WWC1: variants seen among roughly 807,000 people sequenced by gnomAD.
WWC1 encodes protein KIBRA.
In WWC1, 55 loss-of-function variants were observed where a neutral mutation model predicts 138.4. The ratio of observed to expected loss-of-function variants is 0.40; its 90% CI spans 0.32 to 0.50. WWC1 has a LOEUF of 0.50. WWC1 is among the 20% of genes least tolerant of loss of function. WWC1 has a pLI of 0.72. For missense variants in WWC1, 1,226 were observed against 1,420.4 expected (o/e 0.86, Z 2.20); for synonymous variants, 524 against 564.9 (o/e 0.93, Z 1.03).
intron 2 of WWC1, among the ~76,000 whole-genome samples, chr5:168,372,215 A>AAAG (rs1776813964): frequency 6.6e-6 from 1 of 152,102 alleles, no homozygotes; most frequent in African/African-American, 2.4e-5. Context: ...TGACTTGAGG[A>AAAG]AAGAAGCAGG....
At chr5:168,293,718 A>G (rs935041052) in intron 1 of WWC1, among the ~76,000 whole-genome samples, 1 of 152,144 alleles carries the variant, frequency 6.6e-6, no homozygotes, top group African/African-American at 2.4e-5. Context: ...TTGGAAGGGA[A>G]TATTGGGATG....
chr5:168,329,405 CA>C, intron 1 of WWC1, among the ~76,000 whole-genome samples: 1 of 152,150 alleles, frequency 6.6e-6, no homozygotes, highest in East Asian at 1.9e-4. Context: ...TCTCGTGAGG[CA>C]GAACTTCAAA....
intron 2 of WWC1, among the ~76,000 whole-genome samples, chr5:168,382,782 A>T (rs1281651711): frequency 7.0e-4 from 106 of 152,190 alleles, no homozygotes; most frequent in Non-Finnish European, 2.9e-5. Flanking sequence ...CATGAGGGGC[A>T]GTTTTTTGTA....
intron 1 of WWC1, among the ~76,000 whole-genome samples, chr5:168,297,222 A>G (rs983501322): frequency 6.6e-6 from 1 of 152,232 alleles, no homozygotes; most frequent in African/African-American, 2.4e-5. Context: ...AACTTTTCCT[A>G]GAACGTACCT....
At chr5:168,393,807 C>G (rs139411658) in intron 3 of WWC1, among the ~76,000 whole-genome samples, 211 of 152,276 alleles carry the variant, frequency 1.4e-3, no homozygotes, top group African/African-American at 4.6e-3. Flanking sequence ...AAATAGAAAA[C>G]TCACCAGATT....
intron 1 of WWC1, among the ~76,000 whole-genome samples, chr5:168,347,151 G>C (rs1774547091): frequency 6.6e-6 from 1 of 152,194 alleles, no homozygotes; most frequent in Non-Finnish European, 1.5e-5. Context: ...CCAGCCGACT[G>C]AGTGACAAGG....
chr5:168,400,195 T>G (rs71603860), intron 5 of WWC1, among the ~76,000 whole-genome samples: 23 of 152,178 alleles, frequency 1.5e-4, no homozygotes, highest in Non-Finnish European at 2.5e-4. Flanking sequence ...TAACTTTTAT[T>G]TGAAGTTCGG....
chr5:168,328,615 C>T (rs1033773258), intron 1 of WWC1, among the ~76,000 whole-genome samples: 1 of 152,090 alleles, frequency 6.6e-6, no homozygotes. Context: ...GGCATGATCT[C>T]AGCTCACTGC....
intron 3 of WWC1, among the ~76,000 whole-genome samples, chr5:168,393,062 A>G (rs779421621): frequency 6.6e-6 from 1 of 152,180 alleles, no homozygotes; most frequent in African/African-American, 2.4e-5. Context: ...GGAAAATAAA[A>G]TGGAGGAAAC....
At chr5:168,377,350 C>T (rs1188251807) in intron 2 of WWC1, among the ~76,000 whole-genome samples, 1 of 152,096 alleles carries the variant, frequency 6.6e-6, no homozygotes, top group African/African-American at 2.4e-5. Flanking sequence ...TAGAAAACAC[C>T]ATTCTGTACA....
intron 2 of WWC1, among the ~76,000 whole-genome samples, chr5:168,373,914 C>A (rs867346606): frequency 6.6e-6 from 1 of 151,374 alleles, no homozygotes; most frequent in African/African-American, 2.4e-5. Flanking sequence ...GGCGTGGTGG[C>A]GGGCATCTGT....
chr5:168,431,351 G>C lies in WWC1; in HGVS notation c.2187G>C (p.Val729=). ...DASDTLVFNE[V]FWVSMSYPAL... ...CAGACACTCTAGTGTTCAATGAGGT[G>C]TTCTGGGTATCCATGTCCTATCCAG... The change falls in exon 15 of 23, where the codon GTG becomes GTC. Residue 729 remains valine, a synonymous_variant. Coordinates refer to ENST00000265293, the MANE Select transcript of WWC1 (RefSeq NM_015238.3). 1 of 1,614,188 alleles carries C rather than the reference G, an allele frequency of 6.2e-7. No individual in the cohort carries two copies.
intron 1 of WWC1, among the ~76,000 whole-genome samples, chr5:168,362,288 C>G (rs1188236382): frequency 6.6e-6 from 1 of 152,204 alleles, no homozygotes; most frequent in Admixed American, 6.5e-5. Context: ...GGAACAGTTG[C>G]TGGTGCATAG....
At chr5:168,299,300 G>A (rs188142682) in intron 1 of WWC1, among the ~76,000 whole-genome samples, 1 of 152,302 alleles carries the variant, frequency 6.6e-6, no homozygotes, top group Admixed American at 6.5e-5. Flanking sequence ...TGAACCTGAT[G>A]TGGATCTCAG....
intron 1 of WWC1, among the ~76,000 whole-genome samples, chr5:168,368,084 C>A (rs1054163578): frequency 2.9e-5 from 4 of 135,892 alleles, no homozygotes; most frequent in Non-Finnish European, 1.6e-5. Context: ...ATAAAGAACA[C>A]TTCATCTTTT....
At chr5:168,319,158 G>A (rs990733383) in intron 1 of WWC1, among the ~76,000 whole-genome samples, 7 of 152,092 alleles carry the variant, frequency 4.6e-5, no homozygotes, top group Admixed American at 2.6e-4. Context: ...GGTGGCTCAC[G>A]CCTCTAATCC....
intron 1 of WWC1, among the ~76,000 whole-genome samples, chr5:168,297,298 T>C (rs1769622887): frequency 6.6e-6 from 1 of 152,168 alleles, no homozygotes; most frequent in Admixed American, 6.5e-5. Flanking sequence ...TGGACCTTTC[T>C]GTTCGTGAAA....
intron 5 of WWC1, among the ~76,000 whole-genome samples, chr5:168,401,553 T>C (rs1328931785): frequency 6.6e-6 from 1 of 152,166 alleles, no homozygotes. Flanking sequence ...CTTTTTCACG[T>C]CTTCCCACCC....
At chr5:168,404,527 TCTC>T (rs1429888342) in intron 5 of WWC1, among the ~76,000 whole-genome samples, 1 of 152,164 alleles carries the variant, frequency 6.6e-6, no homozygotes. Context: ...TGCCTCGCTC[TCTC>T]CTCTGCTTGG....
Sources: gnomAD v4.1 joint callset for allele counts (sites outside exome capture counted in the v4.1 genomes callset) on GRCh38, gnomAD v4.1.1 for gene constraint, MANE v1.5 for transcripts, NCBI Gene and HGNC (gene_info 2026-07-23, HGNC 2026-07-21) for gene names.